The following TBC1D9 variants were observed in gnomAD, a reference collection of about 807,000 sequenced individuals.
The protein encoded by TBC1D9 is TBC1 domain family member 9.
Under a neutral mutation model 132.0 loss-of-function variants are expected in TBC1D9, and 63 were observed. The ratio of observed to expected loss-of-function variants is 0.48; its 90% CI spans 0.39 to 0.59. The LOEUF (loss-of-function observed/expected upper bound fraction) is 0.59, where lower values mean the gene tolerates loss of function less well. TBC1D9 is among the 20% of genes least tolerant of loss of function. TBC1D9 has a pLI of 0.00. For missense variants in TBC1D9, 1,261 were observed against 1,592.7 expected (o/e 0.79, Z 3.54); for synonymous variants, 610 against 609.9 (o/e 1.00, Z 0.00).
intron 1 of TBC1D9, among the ~76,000 whole-genome samples, chr4:140,738,229 G>A (rs1194592132): frequency 6.6e-6 from 1 of 152,134 alleles, no homozygotes; most frequent in Non-Finnish European, 1.5e-5. Flanking sequence ...GGAGAAGTTA[G>A]GCTTGGGAAC....
chr4:140,744,926 C>T (rs2111081714), intron 1 of TBC1D9, among the ~76,000 whole-genome samples: 1 of 149,618 alleles, frequency 6.7e-6, no homozygotes, highest in African/African-American at 2.5e-5. Context: ...TTCACAACCC[C>T]TTACCTTTAC....
chr4:140,657,820 A>G lies in TBC1D9; in HGVS notation c.1922-8T>C. On this transcript the variant is annotated splice_polypyrimidine_tract_variant and splice_region_variant and intron_variant, in intron 11 of 20. Transcript: ENST00000442267. ...CTTGGTCCACCAGTGCACCTGTGGC[A>G]GCGATGTATACAAAAAGGCGCAGCT... The G allele has an allele frequency of 6.2e-7, 1 of 1,606,852 alleles. No individual in the cohort carries two copies. Among genetic ancestry groups the G allele is most frequent in the Non-Finnish European group, 8.5e-7 (1 of 1,176,612 alleles).
At chr4:140,724,416 T>C (rs1738467884) in intron 1 of TBC1D9, among the ~76,000 whole-genome samples, 1 of 152,188 alleles carries the variant, frequency 6.6e-6, no homozygotes, top group African/African-American at 2.4e-5. Flanking sequence ...ATAACTATGA[T>C]CTGGCCCAGG....
Position 140,634,124 on chromosome 4 carries a change from C to T in TBC1D9, c.2570G>A (p.Ser857Asn). ...GCGATACTGTTCCAGGTAGGGCAGG[C>T]TGGGGTCATGCCGGTCCAGCGCGTT... ...SSNALDRHDP[S>N]LPYLEQYRID... The change falls in exon 16 of 21, where the codon AGC becomes AAC. Residue 857 changes from serine (S) to asparagine (N), a missense_variant. Physicochemically the swap from Ser to Asn is conservative, Grantham distance 46. Around this residue, in one of 3 missense-constraint regions of TBC1D9, gnomAD observed 618 missense variants for 724.4 expected, o/e 0.85. Transcript: ENST00000442267. 3.1e-6 allele frequency: 5 copies of T among 1,613,996 alleles called. No individual in the cohort carries two copies. The highest frequency in any genetic ancestry group is 4.2e-6 in the Non-Finnish European group (5 of 1,179,902).
intron 14 of TBC1D9, 55 bp from the exon 15 acceptor site, chr4:140,639,209 G>T (rs994933733): frequency 2.7e-6 from 4 of 1,494,808 alleles, no homozygotes; most frequent in Admixed American, 2.0e-5. Context: ...GCCATGCTGG[G>T]AAAATCCCTA....
At chr4:140,678,669 C>T (rs771764903) in intron 5 of TBC1D9, among the ~76,000 whole-genome samples, 3 of 152,170 alleles carry the variant, frequency 2.0e-5, no homozygotes, top group Non-Finnish European at 4.4e-5. Flanking sequence ...CCACTCTTCC[C>T]CATCTGGGCT....
chr4:140,679,064 C>T lies in TBC1D9; in HGVS notation c.729G>A (p.Lys243=). Residue 243 remains lysine (K), a synonymous_variant, in exon 5 of 21, where the codon AAG becomes AAA. Transcript: ENST00000442267. ...CTATGTTGGCAAGCTGCTCCATTAA[C>T]TTGAAGGTCTCGTTGATGTTGAGGA... ...SVFLNINETF[K]LMEQLANIAM... is the part of the protein sequence containing the mutation. 6.2e-7 allele frequency: 1 copy of T among 1,613,954 alleles called. No individual in the cohort carries two copies. Among genetic ancestry groups the T allele is most frequent in the Non-Finnish European group, 8.5e-7 (1 of 1,179,864 alleles).
chr4:140,707,128 GT>G (rs5862496), intron 1 of TBC1D9, among the ~76,000 whole-genome samples: 131,195 of 150,762 alleles, frequency 0.87, 57,194 homozygotes, highest in East Asian at 0.94. Flanking sequence ...GTATTACCAG[GT>G]TTTTTTTTTT....
chr4:140,630,279 G>A (rs1248999504), intron 16 of TBC1D9, among the ~76,000 whole-genome samples: 1 of 152,068 alleles, frequency 6.6e-6, no homozygotes, highest in Non-Finnish European at 1.5e-5. Context: ...TAATTTTAGA[G>A]CACTAAGATA....
Position 140,712,748 on chromosome 4 carries a change from A to AATAGATAGATAGATAG in TBC1D9, c.131-11150_131-11135dup, listed in dbSNP as rs58318321. Among the ~76,000 whole-genome samples, 911 of 146,356 alleles carry AATAGATAGATAGATAG rather than the reference A, an allele frequency of 6.2e-3. 4 individuals are homozygous for AATAGATAGATAGATAG. The highest frequency in any genetic ancestry group is 0.011 in the South Asian group (50 of 4,474). ...AGAGAGTGAGACTCCATCTCAAAAA[A>AATAGATAGATAGATAG]ATAGATAGATAGATAGATAGATAGA... On this transcript the variant is annotated intron_variant, in intron 1 of 20. Transcript: ENST00000442267.
At chr4:140,642,811 C>G in intron 13 of TBC1D9, 1 of 614,470 alleles carries the variant, frequency 1.6e-6, no homozygotes, top group Non-Finnish European at 2.9e-6. Flanking sequence ...TGCAGTTCTT[C>G]CCCCTCTTGC....
chr4:140,677,819 C>T (rs1252620581), intron 5 of TBC1D9, among the ~76,000 whole-genome samples: 3 of 152,274 alleles, frequency 2.0e-5, no homozygotes, highest in East Asian at 3.9e-4. Context: ...ACTCTTACTT[C>T]CTCTCCATTC....
chr4:140,723,315 T>C (rs1457758372), intron 1 of TBC1D9, among the ~76,000 whole-genome samples: 2 of 152,162 alleles, frequency 1.3e-5, no homozygotes, highest in Non-Finnish European at 2.9e-5. Context: ...GCCACAGACC[T>C]GGCTTCAGGT....
chr4:140,657,946 T>C, intron 11 of TBC1D9, 134 bp from the exon 12 acceptor site: 4 of 990,434 alleles, frequency 4.0e-6, no homozygotes, highest in Non-Finnish European at 3.0e-6. Flanking sequence ...TGACTGTTAC[T>C]AGACCAAGGT....
At chr4:140,644,610 C>T in intron 13 of TBC1D9, 1 of 371,880 alleles carries the variant, frequency 2.7e-6, no homozygotes, top group Non-Finnish European at 5.1e-6. Context: ...TGGTACTCCT[C>T]TGCGCCTTCA....
chr4:140,665,824 G>A (rs1425789263), intron 9 of TBC1D9, among the ~76,000 whole-genome samples: 2 of 151,790 alleles, frequency 1.3e-5, no homozygotes, highest in South Asian at 2.1e-4. Flanking sequence ...CTACATGTGC[G>A]TGCCACCACA....
chr4:140,645,025 C>T, intron 13 of TBC1D9: 2 of 475,618 alleles, frequency 4.2e-6, no homozygotes. Context: ...GGGTGCGTGG[C>T]CAGATGGGTT....
chr4:140,720,425 C>A lies in TBC1D9; in HGVS notation c.131-18811G>T, dbSNP rs61229593. ...TGAGGAAGAGGAGATTTATTAAGCC[C>A]CTTCTTTTAGGCTAGGAGGTTTCCT... is the stretch of plus-strand genomic sequence containing the variant. On this transcript the variant is annotated intron_variant, in intron 1 of 20. Coordinates refer to ENST00000442267, the MANE Select transcript of TBC1D9 (RefSeq NM_015130.3). 4.7e-3 allele frequency among the ~76,000 whole-genome samples: 709 copies of A among 152,250 alleles called. 5 individuals are homozygous for A. The highest frequency in any genetic ancestry group is 0.016 in the African/African-American group (677 of 41,546).
chr4:140,652,412 A>G (rs143867727), intron 13 of TBC1D9, among the ~76,000 whole-genome samples: 270 of 152,284 alleles, frequency 1.8e-3, no homozygotes, highest in African/African-American at 5.8e-3. Flanking sequence ...AATGTACTTC[A>G]AGAAGAATGC....
Sources: gnomAD v4.1 joint callset for allele counts (sites outside exome capture counted in the v4.1 genomes callset) on GRCh38, gnomAD v4.1.1 for gene constraint, gnomAD v4.1.1 regional missense constraint, MANE v1.5 for transcripts, NCBI Gene and HGNC (gene_info 2026-07-23, HGNC 2026-07-21) for gene names.